The following NRAP variants were observed in gnomAD, a reference collection of about 807,000 sequenced individuals.
NRAP encodes the protein nebulin-related-anchoring protein.
Under a neutral mutation model 225.9 loss-of-function variants are expected in NRAP, and 189 were observed. The observed-to-expected ratio is 0.84, with a 90% CI of 0.74 to 0.94. NRAP has a LOEUF of 0.94. NRAP is among the 40% of genes least tolerant of loss of function. The probability of loss-of-function intolerance (pLI) is 0.00; values close to 1 mark genes in which losing one functional copy is unlikely to be tolerated. For synonymous variants in NRAP, 769 were observed against 790.7 expected, an observed-to-expected ratio of 0.97 and a Z score of 0.46; for missense variants, 2,176 against 2,168.7, an observed-to-expected ratio of 1.00 and a Z score of -0.07.
chr10:113,590,997 G>T (rs1845949643), intron 39 of NRAP, 108 bp from the exon 40 acceptor site: 6 of 908,052 alleles, frequency 6.6e-6, no homozygotes, highest in African/African-American at 6.6e-5. Flanking sequence ...TCAAGAGTGG[G>T]TTAGAGGCAC....
At position 113,604,871 on chromosome 10, in the gene NRAP, G is replaced by C. The variant is rs1402495761; in HGVS notation, c.3965C>G (p.Pro1322Arg). 3 of 1,614,096 alleles carry C rather than the reference G, an allele frequency of 1.9e-6. No homozygotes were observed. The highest frequency in any genetic ancestry group is 2.5e-6 in the Non-Finnish European group (3 of 1,180,014). The change falls in exon 35 of 42, where the codon CCC becomes CGC. Residue 1322 changes from proline to arginine, a missense_variant. By Grantham distance (103) the Pro-to-Arg change is moderately radical. Around this residue, in one of 3 missense-constraint regions of NRAP, gnomAD observed 1,708 missense variants for 1,695.5 expected, o/e 1.01. Transcript: ENST00000359988. ...CCGGGGGTCGTCTCTTACACTCTGG[G>C]GCCCTATGAGTTTCCCTCGCTCCTT... ...FVKERGKLIG[P>R]QSVRDDPRIQ...
intron 34 of NRAP, 31 bp from the exon 35 acceptor site, chr10:113,604,951 A>T: frequency 6.3e-7 from 1 of 1,592,804 alleles, no homozygotes; most frequent in South Asian, 1.1e-5. Flanking sequence ...GTCAAATTCT[A>T]TCTGTGCGTT....
At position 113,597,112 on chromosome 10, in the gene NRAP, T is replaced by C. The variant is rs750685195; in HGVS notation, c.4405A>G (p.Lys1469Glu). 4 of 1,613,518 alleles carry C rather than the reference T, an allele frequency of 2.5e-6. No homozygotes were observed. Among genetic ancestry groups the C allele is most frequent in the East Asian group, 2.2e-5 (1 of 44,896 alleles). ...TCATTGCAGTGCATATAGCTGTTCTTGGCATGAACCAGGTCTGGGGAGTCA... is the reference window on the plus strand; with the variant it reads ...TCATTGCAGTGCATATAGCTGTTCTCGGCATGAACCAGGTCTGGGGAGTCA... The part of the protein sequence containing the change: ...VVDSPDLVHA[K>E]NSYMHCNERM... The change falls in exon 37 of 42, where the codon AAG becomes GAG. Residue 1469 changes from lysine to glutamate, a missense_variant. This residue lies in a region of NRAP where 445 missense variants were observed against 426.1 expected (regional missense o/e 1.04). Transcript: ENST00000359988.
rs564157348 is a variant in NRAP, at chr10:113,648,117, GCTCACGA to G, written c.889-1097_889-1091del. ...ACAGCCCATATGGTGCCCTCATTAG[GCTCACGA>G]CTCCATCTCTCTGTGGCCTCCTCCA... On this transcript the variant is annotated intron_variant, in intron 9 of 41. Transcript: ENST00000359988. Among the ~76,000 whole-genome samples the G allele has an allele frequency of 1.5e-3, 221 of 152,128 alleles. 2 individuals are homozygous for G. The highest frequency in any genetic ancestry group is 5.1e-3 in the African/African-American group (210 of 41,508).
In NRAP at chr10:113,631,897, G is replaced by T; in HGVS notation, c.1700C>A (p.Ser567Tyr). The T allele has an allele frequency of 6.2e-7, 1 of 1,613,578 alleles. No individual in the cohort carries two copies. Among genetic ancestry groups the T allele is most frequent in the Non-Finnish European group, 8.5e-7 (1 of 1,179,496 alleles). The change falls in exon 17 of 42, where the codon TCT becomes TAT. Residue 567 changes from serine to tyrosine, a missense_variant. This residue lies in a region of NRAP where 1,708 missense variants were observed against 1,695.5 expected (regional missense o/e 1.01). Coordinates refer to ENST00000359988, the MANE Select transcript of NRAP (RefSeq NM_198060.4). ...KGFEMKLDAM[S>Y]LLAAKASGEL... ...CCCAGAGGCTTTGGCGGCCAGCAGAGACATGGCATCCAGCTTCATCTCAAA... is the reference window on the plus strand; with the variant it reads ...CCCAGAGGCTTTGGCGGCCAGCAGATACATGGCATCCAGCTTCATCTCAAA...
At position 113,610,494 on chromosome 10, in the gene NRAP, C is replaced by T. The variant is rs530462185; in HGVS notation, c.3568G>A (p.Glu1190Lys). Residue 1190 changes from glutamate (E) to lysine (K), a missense_variant, in exon 31 of 42, where the codon GAA becomes AAA. Physicochemically the swap from Glu to Lys is moderately conservative, Grantham distance 56. Transcript: ENST00000359988. ...AGTTCCGATGCTTTCTTCCTCCCTTCAATCTCTAACGTGCCTGGAATGACA... is the reference window on the plus strand; with the variant it reads ...AGTTCCGATGCTTTCTTCCTCCCTTTAATCTCTAACGTGCCTGGAATGACA... ...ACVIPGTLEI[E>K]GRKKASELIS... 7 of 1,599,934 alleles carry T rather than the reference C, an allele frequency of 4.4e-6. No homozygotes were observed. Among genetic ancestry groups the T allele is most frequent in the African/African-American group, 4.0e-5 (3 of 74,698 alleles).
intron 5 of NRAP, 32 bp from the exon 6 acceptor site, chr10:113,653,071 C>G (rs764955102): frequency 8.1e-7 from 1 of 1,228,786 alleles, no homozygotes; most frequent in East Asian, 2.4e-5. Flanking sequence ...AGCATGAGAA[C>G]TGAGATGATA....
At chr10:113,597,234 A>G in intron 36 of NRAP, 50 bp from the exon 37 acceptor site, 1 of 1,178,058 alleles carries the variant, frequency 8.5e-7, no homozygotes, top group East Asian at 2.3e-5. Context: ...AACATCATGC[A>G]TCTTTCAGGG....
At position 113,651,860 on chromosome 10, in the gene NRAP, C is replaced by A; in HGVS notation, c.618G>T (p.Thr206=). 6.2e-7 allele frequency: 1 copy of A among 1,613,394 alleles called. No homozygotes were observed. Among genetic ancestry groups the A allele is most frequent in the Non-Finnish European group, 8.5e-7 (1 of 1,179,412 alleles). ...GHDERISRFS[T]VVDTPELLRS... ...GTAGCAGCTCAGGAGTATCCACCAC[C>A]GTGGAGAACCTGGAGATGCGTTCAT... The change falls in exon 7 of 42, where the codon ACG becomes ACT. Residue 206 remains threonine (T), a synonymous_variant. Transcript: ENST00000359988.
At chr10:113,641,907 G>A (rs1294932669) in intron 12 of NRAP, among the ~76,000 whole-genome samples, 1 of 152,144 alleles carries the variant, frequency 6.6e-6, no homozygotes, top group Non-Finnish European at 1.5e-5. Flanking sequence ...AATATATGAA[G>A]GACAAAACCT....
chr10:113,652,257 G>A (rs138556512), intron 6 of NRAP, among the ~76,000 whole-genome samples: 4 of 152,268 alleles, frequency 2.6e-5, no homozygotes, highest in Admixed American at 2.6e-4. Context: ...GATAGAGTCA[G>A]GATTCAAATT....
At chr10:113,612,479 G>A (rs1367957835) in intron 29 of NRAP, 48 bp from the exon 30 acceptor site, 16 of 1,516,568 alleles carry the variant, frequency 1.1e-5, no homozygotes, top group Non-Finnish European at 1.5e-5. Context: ...GCCACTATTT[G>A]CAACAGGACC....
chr10:113,610,759 C>A (rs1342490696), intron 30 of NRAP, among the ~76,000 whole-genome samples, 196 bp from the exon 31 acceptor site: 4 of 152,144 alleles, frequency 2.6e-5, no homozygotes, highest in Non-Finnish European at 5.9e-5. Context: ...AGGGGGGAAG[C>A]AATGTAGGTC....
At chr10:113,611,124 C>T (rs541537029) in intron 30 of NRAP, among the ~76,000 whole-genome samples, 2 of 152,296 alleles carry the variant, frequency 1.3e-5, no homozygotes, top group Middle Eastern at 3.4e-3. Flanking sequence ...GCCAGTGAGG[C>T]GCCCCCTGGG....
chr10:113,602,748 G>A (rs903646611), intron 35 of NRAP, among the ~76,000 whole-genome samples: 6 of 152,220 alleles, frequency 3.9e-5, no homozygotes, highest in African/African-American at 1.4e-4. Context: ...CTTGGCGCAA[G>A]GAACGTACTC....
chr10:113,635,771 G>C (rs943489803), intron 14 of NRAP, among the ~76,000 whole-genome samples: 3 of 152,204 alleles, frequency 2.0e-5, no homozygotes, highest in Non-Finnish European at 4.4e-5. Flanking sequence ...CCAGGTAAAA[G>C]AGGAAGAAGT....
chr10:113,592,751 G>A (rs941775112), intron 38 of NRAP, among the ~76,000 whole-genome samples: 2 of 152,174 alleles, frequency 1.3e-5, no homozygotes, highest in East Asian at 1.9e-4. Context: ...ACTGACATCC[G>A]GAGGGGCCTC....
At chr10:113,641,853 C>T (rs913185527) in intron 12 of NRAP, among the ~76,000 whole-genome samples, 4 of 152,202 alleles carry the variant, frequency 2.6e-5, no homozygotes, top group South Asian at 2.1e-4. Flanking sequence ...AAGCCCCATG[C>T]TGAGGCTGGT....
rs1264806480 is a variant in NRAP at position 113,631,878 on chromosome 10, G to A, written c.1719C>T (p.Ala573=). The A allele has an allele frequency of 1.2e-6, 2 of 1,611,694 alleles. No individual in the cohort carries two copies. The highest frequency in any genetic ancestry group is 2.7e-5 in the African/African-American group (2 of 74,864). ...GTACATTGCTAGCAAGCTCCCCAGAGGCTTTGGCGGCCAGCAGAGACATGG... is the reference window on the plus strand; with the variant it reads ...GTACATTGCTAGCAAGCTCCCCAGAAGCTTTGGCGGCCAGCAGAGACATGG... The part of the protein sequence containing the change: ...LDAMSLLAAK[A]SGELASNIKY... Residue 573 remains alanine (A), a synonymous_variant, in exon 17 of 42, where the codon GCC becomes GCT. Transcript: ENST00000359988.
Sources: allele counts gnomAD v4.1 joint callset (sites outside exome capture counted in the v4.1 genomes callset), GRCh38; gene constraint gnomAD v4.1.1; regional missense constraint gnomAD v4.1.1; transcripts MANE v1.5; gene names NCBI Gene and HGNC (gene_info 2026-07-23, HGNC 2026-07-21).